The following SP140L variants were observed in gnomAD, a reference collection of about 807,000 sequenced individuals.
SP140L encodes nuclear body protein SP140-like protein.
In SP140L, 64 loss-of-function variants were observed where a neutral mutation model predicts 84.3. That is an observed-to-expected ratio of 0.76 (90% CI 0.62 to 0.94). SP140L has a LOEUF of 0.94. SP140L is among the 40% of genes least tolerant of loss of function. SP140L has a pLI of 0.00. For missense variants in SP140L, 628 were observed against 692.5 expected, an observed-to-expected ratio of 0.91 and a Z score of 1.05; for synonymous variants, 242 against 236.9, an observed-to-expected ratio of 1.02 and a Z score of -0.20.
intron 9 of SP140L, among the ~76,000 whole-genome samples, chr2:230,386,550 TG>T (rs367795774): frequency 4.3e-4 from 66 of 152,344 alleles, no homozygotes; most frequent in African/African-American, 1.5e-3. Context: ...TATTGTTAAA[TG>T]GGTATTACAG....
intron 5 of SP140L, among the ~76,000 whole-genome samples, chr2:230,363,443 A>G (rs1382514314): frequency 6.6e-6 from 1 of 150,664 alleles, no homozygotes; most frequent in Non-Finnish European, 1.5e-5. Context: ...CACATACCTG[A>G]TGGTCATTTG....
At chr2:230,359,657 A>T (rs550275480) in intron 4 of SP140L, among the ~76,000 whole-genome samples, 1 of 152,190 alleles carries the variant, frequency 6.6e-6, no homozygotes, top group Non-Finnish European at 1.5e-5. Context: ...GACCACAATT[A>T]TTCTTTCCCT....
At chr2:230,335,369 G>A (rs932286007) in intron 2 of SP140L, among the ~76,000 whole-genome samples, 3 of 152,270 alleles carry the variant, frequency 2.0e-5, no homozygotes, top group South Asian at 4.1e-4. Flanking sequence ...CTTTGGAAAC[G>A]TTTGGCCTTT....
intron 11 of SP140L, among the ~76,000 whole-genome samples, chr2:230,390,597 T>C (rs753794383): frequency 3.3e-5 from 5 of 152,334 alleles, no homozygotes; most frequent in Non-Finnish European, 7.3e-5. Context: ...TATTTTACGA[T>C]TGAAAATTAT....
Position 230,385,259 on chromosome 2 carries a change from G to C in SP140L, c.739G>C (p.Glu247Gln). ...SKADGQLVSS[E>Q]KKANMNLKDL... ...AGCCGATGGCCAGCTGGTCTCGAGT[G>C]AAAAGAAGGCGAACATGAATCTGAA... The change falls in exon 9 of 19, where the codon GAA becomes CAA. Residue 247 changes from glutamate to glutamine, a missense_variant. Transcript: ENST00000415673. The C allele has an allele frequency of 6.2e-7, 1 of 1,613,798 alleles. No homozygotes were observed. Among genetic ancestry groups the C allele is most frequent in the Non-Finnish European group, 8.5e-7 (1 of 1,179,780 alleles).
In SP140L at chr2:230,402,847, A is replaced by G; in HGVS notation, c.1694A>G (p.Lys565Arg). 6.2e-7 allele frequency: 1 copy of G among 1,613,430 alleles called. No individual in the cohort carries two copies. The highest frequency in any genetic ancestry group is 2.2e-5 in the East Asian group (1 of 44,860). The change falls in exon 19 of 19, where the codon AAG becomes AGG. Residue 565 changes from lysine to arginine, a missense_variant. By Grantham distance (26) the Lys-to-Arg change is conservative. Around this residue, in one of 4 missense-constraint regions of SP140L, gnomAD observed 44 missense variants for 36.1 expected, o/e 1.22. Transcript: ENST00000415673. ...MGLRLEAEFE[K>R]DFKEVFAIQE... ...CTTAGACTGGAGGCTGAATTTGAGA[A>G]GGATTTCAAGGAAGTGTTTGCTATT...
At chr2:230,352,844 GCA>G (rs1221260938) in intron 2 of SP140L, among the ~76,000 whole-genome samples, 7 of 147,970 alleles carry the variant, frequency 4.7e-5, no homozygotes, top group South Asian at 2.1e-4. Flanking sequence ...ATACACACAT[GCA>G]CACACACACA....
chr2:230,341,757 GGT>G (rs1241939677), intron 2 of SP140L, among the ~76,000 whole-genome samples: 2 of 152,186 alleles, frequency 1.3e-5, no homozygotes, highest in African/African-American at 4.8e-5. Flanking sequence ...GGCCATGTGA[GGT>G]GTCAGTGTGC....
intron 7 of SP140L, among the ~76,000 whole-genome samples, chr2:230,375,407 T>A (rs2061211694): frequency 6.6e-6 from 1 of 152,186 alleles, no homozygotes; most frequent in South Asian, 2.1e-4. Flanking sequence ...TTTGGATACA[T>A]ACCCCCAAAT....
At chr2:230,345,989 T>C (rs2060196722) in intron 2 of SP140L, among the ~76,000 whole-genome samples, 1 of 152,200 alleles carries the variant, frequency 6.6e-6, no homozygotes. Context: ...TTATATATTG[T>C]TATGTTGTTA....
intron 6 of SP140L, among the ~76,000 whole-genome samples, chr2:230,371,245 T>C (rs974261272): frequency 1.3e-5 from 2 of 152,244 alleles, no homozygotes; most frequent in South Asian, 4.1e-4. Context: ...TCACACTCAA[T>C]ATTCCATGGA....
chr2:230,388,598 G>A lies in SP140L; in HGVS notation c.824G>A (p.Ser275Asn), dbSNP rs1249298819. 6.2e-7 allele frequency: 1 copy of A among 1,609,998 alleles called. No individual in the cohort carries two copies. Among genetic ancestry groups the A allele is most frequent in the South Asian group, 1.1e-5 (1 of 90,158 alleles). The stretch of plus-strand genomic sequence containing the variant: ...AAACCTGGAACCCACTTTACTCAGA[G>A]TGACAGAGCTCCACAGAAAAGAGTC... ...RGKPGTHFTQ[S>N]DRAPQKRVRS... The change falls in exon 10 of 19, where the codon AGT becomes AAT. Residue 275 changes from serine to asparagine, a missense_variant. By Grantham distance (46) the Ser-to-Asn change is conservative (BLOSUM62 1). Coordinates refer to ENST00000415673, the MANE Select transcript of SP140L (RefSeq NM_138402.6).
chr2:230,346,993 G>A (rs1217355134), intron 2 of SP140L, among the ~76,000 whole-genome samples: 1 of 152,180 alleles, frequency 6.6e-6, no homozygotes, highest in African/African-American at 2.4e-5. Flanking sequence ...TGAGGAAGAA[G>A]TAACCTCTTC....
At chr2:230,382,055 ATTTG>A (rs992028533) in intron 7 of SP140L, among the ~76,000 whole-genome samples, 2 of 152,022 alleles carry the variant, frequency 1.3e-5, no homozygotes, top group African/African-American at 4.8e-5. Context: ...CCAGTCCTTG[ATTTG>A]TTTGTGTGTG....
In SP140L at chr2:230,359,225, T is replaced by C. The variant is rs2060641614; in HGVS notation, c.439+93T>C. The C allele has an allele frequency of 7.1e-6, 8 of 1,130,394 alleles. No individual in the cohort carries two copies. The Admixed American group carries it at 8.5e-5, about 12-fold the overall frequency. The allele number at this position is 1,130,394 out of a possible 1,614,324, so 70.0% of individuals were successfully genotyped here. ...CTCCTACCATGTGCGATACATTGTG[T>C]TGGGCAGTGGGCATAGAGTAGTTAA... is the stretch of plus-strand genomic sequence containing the variant. On this transcript the variant is annotated intron_variant, in intron 4 of 18. Transcript: ENST00000415673.
intron 2 of SP140L, among the ~76,000 whole-genome samples, chr2:230,356,570 T>C (rs1212572535): frequency 6.6e-6 from 1 of 152,224 alleles, no homozygotes; most frequent in Non-Finnish European, 1.5e-5. Flanking sequence ...GGTTGCCCCC[T>C]GAGAGGCTGC....
At chr2:230,399,260 T>C (rs922346668) in intron 14 of SP140L, among the ~76,000 whole-genome samples, 1 of 152,266 alleles carries the variant, frequency 6.6e-6, no homozygotes, top group Non-Finnish European at 1.5e-5. Flanking sequence ...ATGCAAATAC[T>C]ATCATATTTT....
At chr2:230,352,610 G>C (rs2060398483) in intron 2 of SP140L, among the ~76,000 whole-genome samples, 1 of 152,092 alleles carries the variant, frequency 6.6e-6, no homozygotes, top group Non-Finnish European at 1.5e-5. Flanking sequence ...GATTTGGGTA[G>C]GGACACAGAG....
At chr2:230,361,749 A>G in intron 5 of SP140L, 52 bp downstream of exon 5, 1 of 1,411,282 alleles carries the variant, frequency 7.1e-7, no homozygotes, top group South Asian at 1.2e-5. Context: ...GGAAAAGGAG[A>G]CAAGGGAGGT....
Sources: allele counts gnomAD v4.1 joint callset (sites outside exome capture counted in the v4.1 genomes callset), GRCh38; gene constraint gnomAD v4.1.1; regional missense constraint gnomAD v4.1.1; transcripts MANE v1.5; gene names NCBI Gene and HGNC (gene_info 2026-07-23, HGNC 2026-07-21).